C5orf58: variants seen among roughly 807,000 people sequenced by gnomAD.
C5orf58 encodes the protein putative uncharacterized protein C5orf58.
C5orf58 carries 2 observed loss-of-function variants against 2.9 expected under a neutral mutation model. That is an observed-to-expected ratio of 0.69 (90% CI 0.28 to 2.18). The LOEUF is 2.18. C5orf58 is among the 30% of genes most tolerant of loss of function. The pLI is 0.13. For synonymous variants in C5orf58, 37 were observed against 33.4 expected (o/e 1.11, Z -0.37); for missense variants, 96 against 91.7 (o/e 1.05, Z -0.19).
chr5:170,247,664 G>A (rs1008089739), downstream of C5orf58: 6 of 152,188 alleles, frequency 3.9e-5, no homozygotes, highest in African/African-American at 1.4e-4. Context: ...TTACCTCAAA[G>A]CACTTATACA....
rs1195940988 is a variant in C5orf58, at chr5:170,245,967, T to G, written c.100T>G (p.Ser34Ala). Residue 34 changes from serine to alanine, a missense_variant, in exon 4 of 4, where the codon TCC becomes GCC. Ser to Ala is a moderately conservative substitution (Grantham distance 99). Transcript: ENST00000593851. Reference protein sequence around the residue: ...SSELKKIKELSQLLLCDLILH... With the variant: ...SSELKKIKELAQLLLCDLILH... ...TCCTGTTTTGTTTTGCACAGAGCTC[T>G]CCCAGTTATTGCTTTGTGACCTTAT... is the stretch of plus-strand genomic sequence containing the variant. 1 of 1,612,968 alleles carries G rather than the reference T, an allele frequency of 6.2e-7. No homozygotes were observed. Among genetic ancestry groups the G allele is most frequent in the African/African-American group, 1.3e-5 (1 of 74,888 alleles).
downstream of C5orf58, among the ~76,000 whole-genome samples, chr5:170,249,883 T>C (rs11958627): frequency 6.6e-6 from 1 of 152,234 alleles, no homozygotes; most frequent in Non-Finnish European, 1.5e-5. Flanking sequence ...TCTGCACTTG[T>C]GTGTTTCCAC....
At chr5:170,237,757 C>G (rs10060749) in intron 3 of C5orf58, among the ~76,000 whole-genome samples, 1 of 152,120 alleles carries the variant, frequency 6.6e-6, no homozygotes, top group Admixed American at 6.5e-5. Context: ...GGGCAGCTAT[C>G]CCTTCACTGT....
chr5:170,237,058 A>G (rs1294306427), intron 3 of C5orf58, among the ~76,000 whole-genome samples: 1 of 152,094 alleles, frequency 6.6e-6, no homozygotes, highest in Non-Finnish European at 1.5e-5. Context: ...TTCCCCCCAA[A>G]CTTGATTATC....
chr5:170,249,362 G>GTATATATA (rs72371153), downstream of C5orf58, among the ~76,000 whole-genome samples: 1,399 of 108,102 alleles, frequency 0.013, 13 homozygotes, highest in East Asian at 0.055. Context: ...GCATGCGTGT[G>GTATATATA]TATATATATA....
At chr5:170,248,727 G>A, downstream of C5orf58, 1 of 1,611,758 alleles carries the variant, frequency 6.2e-7, no homozygotes, top group Non-Finnish European at 8.5e-7. Flanking sequence ...GCGTTAATGT[G>A]CACTGGTATC....
chr5:170,234,994 T>TA lies in C5orf58; in HGVS notation c.19dup (p.Thr7AsnfsTer2), dbSNP rs1467573401. On this transcript the variant is annotated frameshift_variant, in exon 3 of 4. Transcript: ENST00000593851. LOFTEE classifies it high-confidence loss of function. ...AAAATCAGATGGGTAAGAAGCGTGTTACTGATCATAAGCTAAATGTGGACA... is the reference window on the plus strand; with the variant it reads ...AAAATCAGATGGGTAAGAAGCGTGTTAACTGATCATAAGCTAAATGTGGACA... 6.5e-7 allele frequency: 1 copy of TA among 1,529,794 alleles called. No individual in the cohort carries two copies. The highest frequency in any genetic ancestry group is 9.0e-7 in the Non-Finnish European group (1 of 1,114,316). The allele number at this position is 1,529,794 out of a possible 1,614,324, so 94.8% of individuals were successfully genotyped here.
At chr5:170,251,772 C>T (rs1023143545) in exon 3 of C5orf58, 25 of 394,560 alleles carry the variant, frequency 6.3e-5, no homozygotes, top group Admixed American at 2.2e-4. Context: ...CACAGCACCC[C>T]CAGAATAATT....
intron 2 of C5orf58, chr5:170,251,378 G>A (rs1397825402): frequency 9.3e-6 from 2 of 214,836 alleles, no homozygotes; most frequent in East Asian, 2.2e-4. Context: ...TCCTTCATCA[G>A]ACCCTTGAGC....
intron 3 of C5orf58, among the ~76,000 whole-genome samples, chr5:170,240,721 A>G (rs1241588385): frequency 6.7e-6 from 1 of 149,332 alleles, no homozygotes; most frequent in African/African-American, 2.5e-5. Flanking sequence ...CCCATTTTGT[A>G]GGTTGCCTGT....
At chr5:170,252,207 A>T (rs1581056312), downstream of C5orf58, 5 of 364,752 alleles carry the variant, frequency 1.4e-5, no homozygotes, top group East Asian at 2.1e-4. Context: ...CTGCCAACCA[A>T]ATGACTGCCT....
downstream of C5orf58, chr5:170,247,050 A>AT (rs1761315292): frequency 3.9e-5 from 6 of 152,294 alleles, no homozygotes; most frequent in South Asian, 1.2e-3. Flanking sequence ...CATTTTAGAT[A>AT]TTTTTGAATT....
downstream of C5orf58, chr5:170,248,141 T>TA (rs530236822): frequency 9.4e-3 from 1,428 of 152,510 alleles, 12 homozygotes; most frequent in Non-Finnish European, 0.016. Flanking sequence ...TGTCTTTTCA[T>TA]AAAAAAATTA....
chr5:170,239,247 C>T (rs1760875195), intron 3 of C5orf58, among the ~76,000 whole-genome samples: 1 of 152,108 alleles, frequency 6.6e-6, no homozygotes. Context: ...TGACAAGACT[C>T]AGCTATGAAG....
chr5:170,250,354 A>T (rs1761407382), downstream of C5orf58, among the ~76,000 whole-genome samples: 1 of 152,154 alleles, frequency 6.6e-6, no homozygotes, highest in African/African-American at 2.4e-5. Context: ...AAATATTCTA[A>T]TTTTTCCCCT....
intron 3 of C5orf58, among the ~76,000 whole-genome samples, chr5:170,244,290 G>A (rs1165642549): frequency 6.7e-6 from 1 of 149,474 alleles, no homozygotes; most frequent in Non-Finnish European, 1.5e-5. Flanking sequence ...TATCTTTGTG[G>A]CGTTCTCTGT....
At chr5:170,237,598 CT>C (rs1295348004) in intron 3 of C5orf58, among the ~76,000 whole-genome samples, 1 of 152,096 alleles carries the variant, frequency 6.6e-6, no homozygotes, top group Admixed American at 6.5e-5. Flanking sequence ...CCTAAGCTGG[CT>C]GGGTAAAGCC....
chr5:170,234,947 A>T lies in C5orf58; in HGVS notation c.1-30A>T, dbSNP rs560558936. On this transcript the variant is annotated intron_variant, in intron 2 of 3. Transcript: ENST00000593851. ...AAAGTACACATAAATACTGATTTAT[A>T]CATTGTTTCTGTTTTTCTTTTAAAA... is the stretch of plus-strand genomic sequence containing the variant. 3.4e-5 allele frequency: 35 copies of T among 1,014,746 alleles called. No individual in the cohort carries two copies. In the South Asian group the frequency reaches 4.5e-4, roughly 13 times the overall value. The allele number at this position is 1,014,746 out of a possible 1,614,324, so 62.9% of individuals were successfully genotyped here.
At chr5:170,235,347 A>G (rs185357700) in intron 3 of C5orf58, among the ~76,000 whole-genome samples, 1 of 152,320 alleles carries the variant, frequency 6.6e-6, no homozygotes, top group Admixed American at 6.5e-5. Context: ...CCTTCAACAC[A>G]CCATTCAAGA....
Sources: gnomAD v4.1 joint callset for allele counts (sites outside exome capture counted in the v4.1 genomes callset) on GRCh38, gnomAD v4.1.1 for gene constraint, MANE v1.5 for transcripts, NCBI Gene and HGNC (gene_info 2026-07-23, HGNC 2026-07-21) for gene names.